Variants in CDH12 observed in about 807,000 individuals in gnomAD.
The protein encoded by CDH12 is cadherin 12.
CDH12 carries 41 observed loss-of-function variants against 74.1 expected under a neutral mutation model. The ratio of observed to expected loss-of-function variants is 0.55; its 90% CI spans 0.43 to 0.72. The LOEUF (loss-of-function observed/expected upper bound fraction) is 0.72, where lower values mean the gene tolerates loss of function less well. Among genes scored for constraint, CDH12 ranks in the 30% least tolerant of loss-of-function variants. The pLI is 0.00. For missense variants in CDH12, 945 were observed against 977.2 expected (o/e 0.97, Z 0.44); for synonymous variants, 399 against 355.0 (o/e 1.12, Z -1.39).
At chr5:21,918,686 T>G (rs1354792832) in intron 6 of CDH12, among the ~76,000 whole-genome samples, 2 of 152,080 alleles carry the variant, frequency 1.3e-5, no homozygotes, top group Non-Finnish European at 2.9e-5. Context: ...ATGATTCAAT[T>G]ACCTCCACTT....
chr5:22,523,821 A>T (rs10447132), intron 1 of CDH12, among the ~76,000 whole-genome samples: 26,162 of 151,982 alleles, frequency 0.17, 2,800 homozygotes, highest in East Asian at 0.37. Flanking sequence ...TGGCCCTGGA[A>T]TATATACCCA....
At chr5:22,534,192 C>CT (rs528309114) in intron 1 of CDH12, among the ~76,000 whole-genome samples, 1,999 of 149,320 alleles carry the variant, frequency 0.013, 23 homozygotes, top group Middle Eastern at 0.037. Flanking sequence ...CTCTTTACTT[C>CT]TTTTTTTTTT....
intron 5 of CDH12, among the ~76,000 whole-genome samples, chr5:22,022,359 C>G (rs1005701379): frequency 6.6e-6 from 1 of 152,146 alleles, no homozygotes; most frequent in African/African-American, 2.4e-5. Context: ...CACACACTCT[C>G]TCCTGCAGCC....
intron 5 of CDH12, among the ~76,000 whole-genome samples, chr5:22,073,730 T>C (rs946685490): frequency 6.6e-6 from 1 of 152,164 alleles, no homozygotes; most frequent in Non-Finnish European, 1.5e-5. Context: ...CAGTTTGTGC[T>C]TTCTTGCAAG....
chr5:22,837,012 T>A (rs375922629), intron 1 of CDH12, among the ~76,000 whole-genome samples: 1 of 152,330 alleles, frequency 6.6e-6, no homozygotes, highest in East Asian at 1.9e-4. Context: ...ACTATACACA[T>A]AATGCTTAGA....
In CDH12 at chr5:21,814,631, G is replaced by T. The variant is rs1747942514; in HGVS notation, c.1002+2314C>A. 2.0e-5 allele frequency among the ~76,000 whole-genome samples: 3 copies of T among 150,302 alleles called. No homozygotes were observed. In the South Asian group the frequency reaches 6.3e-4, roughly 32 times the overall value. On this transcript the variant is annotated intron_variant, in intron 9 of 14. Coordinates refer to ENST00000382254, the MANE Select transcript of CDH12 (RefSeq NM_004061.5). ...ATAAAACTATGTGTGTGAATATAAAGTAAGTTACAATAATTAAATATAAAT... is the reference window on the plus strand; with the variant it reads ...ATAAAACTATGTGTGTGAATATAAATTAAGTTACAATAATTAAATATAAAT...
At position 21,896,959 on chromosome 5, in the gene CDH12, T is replaced by G. The variant is rs935086938; in HGVS notation, c.527-42169A>C. On this transcript the variant is annotated intron_variant, in intron 6 of 14. Transcript: ENST00000382254. ...AAATAGAACTTTGAGGTTTCTGCTC[T>G]TTATTCAGAATCATTGGAAAATACA... Among the ~76,000 whole-genome samples, 33 of 152,328 alleles carry G rather than the reference T, an allele frequency of 2.2e-4. 1 individual carries two copies. The highest frequency in any genetic ancestry group is 1.7e-3 in the South Asian group (8 of 4,826).
intron 1 of CDH12, among the ~76,000 whole-genome samples, chr5:22,611,839 T>C (rs929715043): frequency 6.6e-6 from 1 of 151,970 alleles, no homozygotes; most frequent in African/African-American, 2.4e-5. Context: ...CACAGAAGAG[T>C]GCAGAGTGGA....
intron 3 of CDH12, among the ~76,000 whole-genome samples, chr5:22,258,844 A>T (rs1464170820): frequency 6.6e-6 from 1 of 152,134 alleles, no homozygotes; most frequent in African/African-American, 2.4e-5. Flanking sequence ...TATGCCACCT[A>T]GGTTTGCGTT....
chr5:22,419,458 T>C (rs1027672209), intron 2 of CDH12, among the ~76,000 whole-genome samples: 18 of 152,152 alleles, frequency 1.2e-4, no homozygotes, highest in African/African-American at 4.3e-4. Flanking sequence ...TCTACCTCCT[T>C]CCATGTCCCT....
At chr5:21,974,334 T>A (rs1418780549) in intron 6 of CDH12, among the ~76,000 whole-genome samples, 1 of 152,172 alleles carries the variant, frequency 6.6e-6, no homozygotes, top group African/African-American at 2.4e-5. Context: ...GGAATAAAAA[T>A]TATAATTTAA....
intron 2 of CDH12, among the ~76,000 whole-genome samples, chr5:22,440,100 A>G (rs898803392): frequency 2.6e-5 from 4 of 152,152 alleles, no homozygotes; most frequent in African/African-American, 9.7e-5. Context: ...GCCCTTAAGA[A>G]CATAAGATGT....
At chr5:22,128,477 C>A (rs572138285) in intron 4 of CDH12, among the ~76,000 whole-genome samples, 1 of 151,930 alleles carries the variant, frequency 6.6e-6, no homozygotes, top group South Asian at 2.1e-4. Context: ...ACATAGGTAT[C>A]ATTTTCTACA....
In CDH12 at chr5:21,986,888, GACTA is replaced by G. The variant is rs753802870; in HGVS notation, c.232-11507_232-11504del. On this transcript the variant is annotated intron_variant, in intron 5 of 14. Coordinates refer to ENST00000382254, the MANE Select transcript of CDH12 (RefSeq NM_004061.5). ...TGCCTTATAAGTTTTATTTAATTTT[GACTA>G]ACCACTGATATGCTATCATGAAAAA... Among the ~76,000 whole-genome samples the G allele has an allele frequency of 2.0e-4, 30 of 151,776 alleles. No homozygotes were observed. In the South Asian group the frequency reaches 5.2e-3, roughly 26 times the overall value.
At position 22,775,988 on chromosome 5, in the gene CDH12, A is replaced by G. The variant is rs112734043; in HGVS notation, c.-523+77070T>C. Among the ~76,000 whole-genome samples the G allele has an allele frequency of 3.1e-3, 469 of 152,150 alleles. 1 individual carries two copies. The highest frequency in any genetic ancestry group is 4.4e-3 in the Non-Finnish European group (301 of 68,004). On this transcript the variant is annotated intron_variant, in intron 1 of 14. Transcript: ENST00000382254. ...TCTTCCTCATTTTTCTCTTGCTGCCACCATGTAAGAAGTGCCTTTTGCCTC... is the reference window on the plus strand; with the variant it reads ...TCTTCCTCATTTTTCTCTTGCTGCCGCCATGTAAGAAGTGCCTTTTGCCTC...
chr5:21,821,391 A>C (rs1748362809), intron 8 of CDH12, among the ~76,000 whole-genome samples: 1 of 152,042 alleles, frequency 6.6e-6, no homozygotes, highest in Non-Finnish European at 1.5e-5. Flanking sequence ...AAATATATTA[A>C]GTGAATGAAT....
chr5:22,265,878 A>G (rs1309291597), intron 3 of CDH12, among the ~76,000 whole-genome samples: 3 of 152,200 alleles, frequency 2.0e-5, no homozygotes, highest in African/African-American at 7.2e-5. Context: ...TGATTGGTAC[A>G]CTTAAAGATT....
intron 5 of CDH12, among the ~76,000 whole-genome samples, chr5:22,060,972 T>C (rs756124093): frequency 5.3e-5 from 8 of 152,182 alleles, no homozygotes; most frequent in Non-Finnish European, 1.2e-4. Flanking sequence ...GTCCATTCTG[T>C]TAAGCACATT....
intron 1 of CDH12, among the ~76,000 whole-genome samples, chr5:22,841,674 A>G (rs1366161622): frequency 6.6e-6 from 1 of 152,188 alleles, no homozygotes; most frequent in Non-Finnish European, 1.5e-5. Context: ...ACTGAGAAGG[A>G]ATAGCTAGTG....
Sources: gnomAD v4.1 joint callset for allele counts (sites outside exome capture counted in the v4.1 genomes callset) on GRCh38, gnomAD v4.1.1 for gene constraint, MANE v1.5 for transcripts, NCBI Gene and HGNC (gene_info 2026-07-23, HGNC 2026-07-21) for gene names.